Variants in SRP19 observed in about 807,000 individuals in gnomAD.
SRP19 encodes signal recognition particle 19 kDa protein.
In SRP19, 11 loss-of-function variants were observed where a neutral mutation model predicts 22.4. That is an observed-to-expected ratio of 0.49 (90% CI 0.31 to 0.81). SRP19 has a LOEUF of 0.81. Ranked by LOEUF, SRP19 falls within the 40% of genes least tolerant of loss-of-function variation. The pLI, the probability that SRP19 is intolerant of heterozygous loss-of-function variation, is 0.05. For synonymous variants in SRP19, 61 were observed against 57.6 expected (o/e 1.06, Z -0.27); for missense variants, 168 against 175.9 (o/e 0.96, Z 0.25).
intron 4 of SRP19, among the ~76,000 whole-genome samples, chr5:112,889,002 TC>T (rs2150037503): frequency 6.6e-6 from 1 of 150,994 alleles, no homozygotes; most frequent in East Asian, 2.0e-4. Flanking sequence ...ATAAGGAGTT[TC>T]CCCTTTCGCT....
intron 1 of SRP19, 72 bp from the exon 2 acceptor site, chr5:112,862,436 C>A (rs2150024581): frequency 7.4e-7 from 1 of 1,359,502 alleles, no homozygotes; most frequent in Non-Finnish European, 1.0e-6. Flanking sequence ...GCCTTTGGTT[C>A]CCTGCCACCC....
intron 1 of SRP19, 103 bp downstream of exon 1, chr5:112,861,520 C>G (rs1307829863): frequency 1.6e-6 from 2 of 1,271,650 alleles, no homozygotes; most frequent in Non-Finnish European, 2.2e-6. Flanking sequence ...AATGGCCTAG[C>G]TGATCCAACT....
chr5:112,870,928 C>G (rs748157681), downstream of SRP19, among the ~76,000 whole-genome samples: 1 of 152,168 alleles, frequency 6.6e-6, no homozygotes, highest in Non-Finnish European at 1.5e-5. Context: ...TCTCAGCTCA[C>G]TGCAATATCT....
At chr5:112,894,447 C>T (rs1002174439), downstream of SRP19, 2 of 152,140 alleles carry the variant, frequency 1.3e-5, no homozygotes, top group African/African-American at 2.4e-5. Flanking sequence ...AAAATTCATA[C>T]AATGTTTTAC....
Position 112,891,767 on chromosome 5 carries a change from TGAGA to T in SRP19, c.*163_*166del, listed in dbSNP as rs770682390. 3.3e-5 allele frequency: 54 copies of T among 1,614,064 alleles called. No homozygotes were observed. The African/African-American group carries it at 4.9e-4, about 15-fold the overall frequency. On this transcript the variant is annotated 3_prime_UTR_variant, in exon 5 of 5. Coordinates refer to the SRP19 transcript ENST00000391338. ...AAACGTCGGCAGGAACTTGCTCGACTGAGAGACTCAGGACTCTCACAGGAGGAGG... is the reference window on the plus strand; with the variant it reads ...AAACGTCGGCAGGAACTTGCTCGACTGACTCAGGACTCTCACAGGAGGAGG...
intron 4 of SRP19, among the ~76,000 whole-genome samples, chr5:112,882,630 C>G (rs867085685): frequency 6.6e-6 from 1 of 152,174 alleles, no homozygotes; most frequent in Non-Finnish European, 1.5e-5. Flanking sequence ...TCCAACTGTC[C>G]TAGAGGGGCC....
At position 112,867,643 on chromosome 5, in the gene SRP19, G is replaced by A; in HGVS notation, c.*106G>A. ...AGCTTTTTGTTTGCATCATTTAACTGAACTGTGAACCCTTGTGCCTCTCAT... is the reference window on the plus strand; with the variant it reads ...AGCTTTTTGTTTGCATCATTTAACTAAACTGTGAACCCTTGTGCCTCTCAT... On this transcript the variant is annotated 3_prime_UTR_variant, in exon 5 of 5. Transcript: ENST00000505459. 7.2e-7 allele frequency: 1 copy of A among 1,392,158 alleles called. No homozygotes were observed. The highest frequency in any genetic ancestry group is 1.9e-5 in the South Asian group (1 of 51,958). The allele number at this position is 1,392,158 out of a possible 1,614,324, so 86.2% of individuals were successfully genotyped here. A position where few individuals can be genotyped will look rare whatever the true frequency, so the allele number is the denominator to read the frequency against.
At position 112,864,539 on chromosome 5, in the gene SRP19, G is replaced by T. The variant is rs565379044; in HGVS notation, c.189+11G>T. On this transcript the variant is annotated intron_variant, in intron 3 of 4. Coordinates refer to ENST00000505459, the MANE Select transcript of SRP19 (RefSeq NM_003135.3). ...AACGTATTTCTTGAGGTATGACGTG[G>T]TTCTTCACTATTTTCCATACTCATC... 6.2e-7 allele frequency: 1 copy of T among 1,613,646 alleles called. No homozygotes were observed. The highest frequency in any genetic ancestry group is 1.1e-5 in the South Asian group (1 of 91,062).
At chr5:112,887,194 A>T (rs777034502) in intron 4 of SRP19, 1 of 1,570,490 alleles carries the variant, frequency 6.4e-7, no homozygotes, top group Non-Finnish European at 8.7e-7. Context: ...CTGCACAGAA[A>T]AAGAGCCAGC....
exon 5 of SRP19, chr5:112,892,292 A>G (rs778699193): frequency 6.8e-6 from 11 of 1,614,032 alleles, no homozygotes; most frequent in Non-Finnish European, 7.6e-6. Flanking sequence ...GGAATGGAGC[A>G]GTGCAGGAGG....
exon 5 of SRP19, chr5:112,892,537 C>T (rs756841975): frequency 1.5e-5 from 24 of 1,614,018 alleles, no homozygotes; most frequent in Middle Eastern, 1.6e-4. Flanking sequence ...GTATGCAGGA[C>T]GACAGCTGCA....
rs1465581045 is a variant in SRP19, at chr5:112,867,396, GT to G, written c.302-6del. The stretch of plus-strand genomic sequence containing the variant: ...GATTATACACTAAGCCTAACTTCTG[GT>G]TCCTAGGTAAGTCAGTAATGTTGTA... On this transcript the variant is annotated splice_region_variant and splice_polypyrimidine_tract_variant and intron_variant, in intron 4 of 4. Transcript: ENST00000505459. 1 of 1,608,854 alleles carries G rather than the reference GT, an allele frequency of 6.2e-7. No individual in the cohort carries two copies. Among genetic ancestry groups the G allele is most frequent in the East Asian group, 2.2e-5 (1 of 44,814 alleles).
rs971038944 is a variant in SRP19, at chr5:112,868,965, T to A, written c.*1428T>A. 4 of 152,208 alleles carry A rather than the reference T, an allele frequency of 2.6e-5. No individual in the cohort carries two copies. Among genetic ancestry groups the A allele is most frequent in the African/African-American group, 9.7e-5 (4 of 41,448 alleles). 9.4% of individuals were successfully genotyped at this position (152,208 alleles called of 1,614,324 possible). A position where few individuals can be genotyped will look rare whatever the true frequency, so the allele number is the denominator to read the frequency against. On this transcript the variant is annotated 3_prime_UTR_variant, in exon 5 of 5. Coordinates refer to ENST00000505459, the MANE Select transcript of SRP19 (RefSeq NM_003135.3). ...TAGTATAAGACTTAGTTTATATATT[T>A]GACTTACAAATAAATCCTGGGGAGA...
rs140069566 is a variant in SRP19, at chr5:112,868,988, A to C, written c.*1451A>C. ...TTTGACTTACAAATAAATCCTGGGG[A>C]GAGGGGAGTATGTGTAAAACATAAT... On this transcript the variant is annotated 3_prime_UTR_variant, in exon 5 of 5. Transcript: ENST00000505459. 1 of 152,178 alleles carries C rather than the reference A, an allele frequency of 6.6e-6. No individual in the cohort carries two copies. Among genetic ancestry groups the C allele is most frequent in the East Asian group, 1.9e-4 (1 of 5,176 alleles). The allele number at this position is 152,178 out of a possible 1,614,324, so 9.4% of individuals were successfully genotyped here. A position where few individuals can be genotyped will look rare whatever the true frequency, so the allele number is the denominator to read the frequency against.
intron 2 of SRP19, among the ~76,000 whole-genome samples, chr5:112,862,999 T>C (rs1767464530): frequency 6.6e-6 from 1 of 152,212 alleles, no homozygotes; most frequent in Non-Finnish European, 1.5e-5. Flanking sequence ...TTGAGTTTTA[T>C]TAAAGTGTCA....
At chr5:112,878,851 G>A (rs760202355) in intron 4 of SRP19, 1 of 1,613,780 alleles carries the variant, frequency 6.2e-7, no homozygotes, top group East Asian at 2.2e-5. Flanking sequence ...TGTTTGTTAG[G>A]AGGGAAAGAA....
At chr5:112,892,191 A>T in exon 5 of SRP19, 1 of 1,614,200 alleles carries the variant, frequency 6.2e-7, no homozygotes, top group Non-Finnish European at 8.5e-7. Flanking sequence ...GTAAAACAGG[A>T]GCTTGCAGAT....
chr5:112,879,461 T>G (rs1399160663), intron 4 of SRP19, among the ~76,000 whole-genome samples: 1 of 152,108 alleles, frequency 6.6e-6, no homozygotes, highest in African/African-American at 2.4e-5. Flanking sequence ...TGTGCTTTCA[T>G]ATACTTTATT....
At chr5:112,891,799 G>C in exon 5 of SRP19, 1 of 1,608,080 alleles carries the variant, frequency 6.2e-7, no homozygotes. Flanking sequence ...GGAGGAGGAA[G>C]AGGACACTTT....
Sources: allele counts gnomAD v4.1 joint callset (sites outside exome capture counted in the v4.1 genomes callset), GRCh38; gene constraint gnomAD v4.1.1; transcripts MANE v1.5; gene names NCBI Gene and HGNC (gene_info 2026-07-23, HGNC 2026-07-21).